Variants in ABL1 observed in about 807,000 individuals in gnomAD.
ABL1 encodes the protein tyrosine-protein kinase ABL1.
A neutral mutation model predicts 94.7 loss-of-function variants in ABL1; 11 were observed. That is an observed-to-expected ratio of 0.12 (90% confidence interval 0.07 to 0.19). The LOEUF (loss-of-function observed/expected upper bound fraction) is 0.19, where lower values mean the gene tolerates loss of function less well. Among genes scored for constraint, ABL1 ranks in the 10% least tolerant of loss-of-function variants. The pLI is 1.00. For synonymous variants in ABL1, 656 were observed against 622.4 expected (o/e 1.05, Z -0.80); for missense variants, 1,082 against 1,489.4 (o/e 0.73, Z 4.50).
At chr9:130,874,399 A>C (rs934872607) in intron 6 of ABL1, among the ~76,000 whole-genome samples, 1 of 152,204 alleles carries the variant, frequency 6.6e-6, no homozygotes, top group Non-Finnish European at 1.5e-5. Context: ...TGAATAGGAC[A>C]AGTGGAGATG....
At chr9:130,715,351 C>T (rs1053974195) in intron 1 of ABL1, among the ~76,000 whole-genome samples, 1 of 152,172 alleles carries the variant, frequency 6.6e-6, no homozygotes, top group Non-Finnish European at 1.5e-5. Context: ...CCCACCTATC[C>T]TATAAGCAAA....
chr9:130,729,986 A>G (rs1588213412), intron 1 of ABL1, among the ~76,000 whole-genome samples: 1 of 137,624 alleles, frequency 7.3e-6, no homozygotes, highest in African/African-American at 2.8e-5. Flanking sequence ...CAAGTGATCC[A>G]CCTGCCTTGG....
At chr9:130,797,061 C>T (rs1411650053) in intron 1 of ABL1, among the ~76,000 whole-genome samples, 2 of 149,332 alleles carry the variant, frequency 1.3e-5, no homozygotes, top group African/African-American at 2.5e-5. Flanking sequence ...GATGGTGAAA[C>T]CTTGTCTCTA....
intron 1 of ABL1, among the ~76,000 whole-genome samples, chr9:130,845,771 A>G (rs978187352): frequency 1.3e-5 from 2 of 151,458 alleles, no homozygotes; most frequent in African/African-American, 2.4e-5. Context: ...GACTGTTTCA[A>G]AAAGTCTTTT....
intron 1 of ABL1, among the ~76,000 whole-genome samples, chr9:130,851,159 C>T (rs1332598199): frequency 5.3e-5 from 8 of 152,096 alleles, no homozygotes; most frequent in East Asian, 3.9e-4. Context: ...CTCCTGACCT[C>T]GGGGATCACA....
At chr9:130,799,600 T>C (rs1014160455) in intron 1 of ABL1, among the ~76,000 whole-genome samples, 3 of 152,158 alleles carry the variant, frequency 2.0e-5, no homozygotes, top group African/African-American at 7.2e-5. Flanking sequence ...CTTAAAAGGT[T>C]TGATGGGATT....
chr9:130,843,798 G>A (rs969921572), intron 1 of ABL1, among the ~76,000 whole-genome samples: 1 of 152,102 alleles, frequency 6.6e-6, no homozygotes, highest in Admixed American at 6.5e-5. Context: ...GCAACAGGAG[G>A]CCTGGGGGAT....
intron 4 of ABL1, among the ~76,000 whole-genome samples, chr9:130,871,438 C>A (rs1294490996): frequency 6.6e-6 from 1 of 152,130 alleles, no homozygotes; most frequent in African/African-American, 2.4e-5. Flanking sequence ...CATTTAGATA[C>A]CATGGACTTG....
Position 130,884,457 on chromosome 9 carries a change from C to T in ABL1, c.2167C>T (p.Pro723Ser), listed in dbSNP as rs1258494852. ...GCGCTCTTGCTCCGCCTCCTGCGTT[C>T]CCCATGGGGCCAAGGACACGGAGTG... is the stretch of plus-strand genomic sequence containing the variant. ...FLRSCSASCV[P>S]HGAKDTEWRS... is the part of the protein sequence containing the mutation. The change falls in exon 11 of 11, where the codon CCC becomes TCC. Residue 723 changes from proline (P) to serine (S), a missense_variant. Coordinates refer to ENST00000318560, the MANE Select transcript of ABL1 (RefSeq NM_005157.6). The surrounding 1 kb of genome is among the most constrained non-coding windows in gnomAD (Gnocchi z 5.6). 3 of 1,612,828 alleles carry T rather than the reference C, an allele frequency of 1.9e-6. No homozygotes were observed. Among genetic ancestry groups the T allele is most frequent in the Admixed American group, 1.7e-5 (1 of 60,000 alleles).
intron 1 of ABL1, among the ~76,000 whole-genome samples, chr9:130,783,596 A>G (rs962438870): frequency 2.6e-5 from 4 of 152,150 alleles, no homozygotes; most frequent in African/African-American, 4.8e-5. Context: ...TCTTCTAAGG[A>G]CAGAATTTAA....
intron 1 of ABL1, among the ~76,000 whole-genome samples, chr9:130,804,704 C>T (rs1333875655): frequency 1.3e-5 from 2 of 152,174 alleles, no homozygotes; most frequent in Non-Finnish European, 2.9e-5. Context: ...CGAGATCCTA[C>T]TGGACCTATA....
intron 1 of ABL1, among the ~76,000 whole-genome samples, chr9:130,816,927 C>G (rs1024039760): frequency 6.6e-6 from 1 of 152,156 alleles, no homozygotes; most frequent in African/African-American, 2.4e-5. Context: ...TGGTCTCAAA[C>G]TCCTGAACCT....
Position 130,884,637 on chromosome 9 carries a change from C to T in ABL1, c.2347C>T (p.Pro783Ser), listed in dbSNP as rs1301987634. The T allele has an allele frequency of 6.2e-7, 1 of 1,613,156 alleles. No homozygotes were observed. Among genetic ancestry groups the T allele is most frequent in the Non-Finnish European group, 8.5e-7 (1 of 1,180,028 alleles). Residue 783 changes from proline (P) to serine (S), a missense_variant, in exon 11 of 11, where the codon CCC (proline) becomes TCC (serine). Transcript: ENST00000318560. The surrounding 1 kb of genome is among the most constrained non-coding windows in gnomAD (Gnocchi z 5.6). ...DQVTRGTVTP[P>S]PRLVKKNEEA... ...GGTGACCCGAGGCACAGTAACGCCT[C>T]CCCCCAGGCTGGTGAAAAAGAATGA...
chr9:130,861,499 C>T (rs1831070276), intron 3 of ABL1, among the ~76,000 whole-genome samples: 1 of 152,210 alleles, frequency 6.6e-6, no homozygotes, highest in African/African-American at 2.4e-5. Flanking sequence ...TGGTGCCTGA[C>T]ATAACCCACA....
At chr9:130,878,267 A>G in intron 7 of ABL1, 148 bp from the exon 8 acceptor site, 1 of 929,388 alleles carries the variant, frequency 1.1e-6, no homozygotes, top group Non-Finnish European at 1.6e-6. Context: ...TGGTCTTCTG[A>G]TGATAAAGAG....
Position 130,880,231 on chromosome 9 carries a change from G to C in ABL1, c.1513+74G>C, listed in dbSNP as rs1035936223. 11 of 1,475,002 alleles carry C rather than the reference G, an allele frequency of 7.5e-6. No individual in the cohort carries two copies. The highest frequency in any genetic ancestry group is 1.0e-5 in the Non-Finnish European group (11 of 1,054,662). The allele number at this position is 1,475,002 out of a possible 1,614,324, so 91.4% of individuals were successfully genotyped here. Reference sequence around the variant, plus strand: ...TGTGGGACTGCAGCCTGGGTCATTCGGTTCACTTCCTGGTGAAAGTTCACA... The same window carrying C: ...TGTGGGACTGCAGCCTGGGTCATTCCGTTCACTTCCTGGTGAAAGTTCACA... On this transcript the variant is annotated intron_variant, in intron 9 of 10. Transcript: ENST00000318560. This position sits in a 1 kb window ranked among gnomAD's most constrained non-coding sequence, Gnocchi z 4.4.
At chr9:130,782,379 T>C (rs2132787130) in intron 1 of ABL1, among the ~76,000 whole-genome samples, 1 of 152,310 alleles carries the variant, frequency 6.6e-6, no homozygotes, top group East Asian at 1.9e-4. Flanking sequence ...CTATTTTATT[T>C]CATTTTGAAA....
chr9:130,833,405 G>T (rs543689290), upstream of ABL1, among the ~76,000 whole-genome samples: 19 of 152,152 alleles, frequency 1.2e-4, no homozygotes, highest in Non-Finnish European at 2.5e-4. Context: ...TTGGCATTAC[G>T]TGTAGAGGTT....
chr9:130,857,794 C>T (rs532303188), intron 3 of ABL1, among the ~76,000 whole-genome samples: 1 of 152,248 alleles, frequency 6.6e-6, no homozygotes, highest in East Asian at 1.9e-4. Flanking sequence ...TTCTTTAGTA[C>T]CAACACTGCA....
Sources: allele counts gnomAD v4.1 joint callset (sites outside exome capture counted in the v4.1 genomes callset), GRCh38; gene constraint gnomAD v4.1.1; non-coding constraint Gnocchi (gnomAD v3.1); transcripts MANE v1.5; gene names NCBI Gene and HGNC (gene_info 2026-07-23, HGNC 2026-07-21).